MAP4K3: variants seen among roughly 807,000 people sequenced by gnomAD.
MAP4K3 encodes mitogen-activated protein kinase kinase kinase kinase 3.
Under a neutral mutation model 143.5 loss-of-function variants are expected in MAP4K3, and 94 were observed. The ratio of observed to expected loss-of-function variants is 0.65; its 90% CI spans 0.55 to 0.78. MAP4K3 has a LOEUF of 0.78. MAP4K3 is among the 30% of genes least tolerant of loss of function. MAP4K3 has a pLI of 0.00. For missense variants in MAP4K3, 1,077 were observed against 1,068.1 expected (o/e 1.01, Z -0.12); for synonymous variants, 416 against 347.2 (o/e 1.20, Z -2.20).
intron 2 of MAP4K3, among the ~76,000 whole-genome samples, chr2:39,362,867 G>A (rs1049049813): frequency 6.6e-6 from 1 of 152,136 alleles, no homozygotes; most frequent in Non-Finnish European, 1.5e-5. Context: ...CAACGGAATA[G>A]AGAAAAGAAA....
At chr2:39,356,097 T>C (rs1665603711) in intron 3 of MAP4K3, 152 bp downstream of exon 3, 2 of 571,474 alleles carry the variant, frequency 3.5e-6, no homozygotes, top group Admixed American at 3.3e-5. Flanking sequence ...TTAACATAGG[T>C]CCTAAGTAAA....
At chr2:39,320,190 C>A (rs974948779) in intron 12 of MAP4K3, among the ~76,000 whole-genome samples, 33 of 152,080 alleles carry the variant, frequency 2.2e-4, no homozygotes, top group African/African-American at 8.0e-4. Context: ...AATAAATAGT[C>A]AAAAATTAAG....
At chr2:39,399,102 A>G (rs1381210838) in intron 1 of MAP4K3, among the ~76,000 whole-genome samples, 1 of 151,998 alleles carries the variant, frequency 6.6e-6, no homozygotes, top group African/African-American at 2.4e-5. Context: ...ATGCAATCAC[A>G]CTTATCAACC....
chr2:39,297,066 T>C (rs913298400), intron 16 of MAP4K3, among the ~76,000 whole-genome samples: 2 of 152,190 alleles, frequency 1.3e-5, no homozygotes, highest in African/African-American at 4.8e-5. Flanking sequence ...AGAATTTACC[T>C]TCAACATTTT....
chr2:39,299,396 A>G lies in MAP4K3; in HGVS notation c.1178+347T>C, dbSNP rs141496632. 1.8e-3 allele frequency among the ~76,000 whole-genome samples: 267 copies of G among 152,310 alleles called. 1 individual carries two copies. Among genetic ancestry groups the G allele is most frequent in the African/African-American group, 6.3e-3 (261 of 41,568 alleles). On this transcript the variant is annotated intron_variant, in intron 16 of 33. Coordinates refer to ENST00000263881, the MANE Select transcript of MAP4K3 (RefSeq NM_003618.4). ...TAATTCCAGCTGTTTTTAGTGACCA[A>G]CCCATCTTAGAGATGTACCAAAGCA...
At chr2:39,342,754 A>C (rs1277011642) in intron 4 of MAP4K3, among the ~76,000 whole-genome samples, 1 of 152,216 alleles carries the variant, frequency 6.6e-6, no homozygotes, top group Non-Finnish European at 1.5e-5. Flanking sequence ...TCTATGAAAA[A>C]ATGAGAAAAA....
At chr2:39,277,008 A>G (rs1474773609) in intron 24 of MAP4K3, among the ~76,000 whole-genome samples, 1 of 152,238 alleles carries the variant, frequency 6.6e-6, no homozygotes, top group Non-Finnish European at 1.5e-5. Context: ...TATGTGAATT[A>G]TATCTCGATA....
At chr2:39,432,779 T>C (rs1377756668) in intron 1 of MAP4K3, among the ~76,000 whole-genome samples, 5 of 152,142 alleles carry the variant, frequency 3.3e-5, no homozygotes, top group Admixed American at 3.3e-4. Context: ...TACTGCCCAA[T>C]CCTCACCTTT....
In MAP4K3 at chr2:39,282,138, T is replaced by C. The variant is rs548388617; in HGVS notation, c.1629+375A>G. Among the ~76,000 whole-genome samples the C allele has an allele frequency of 1.3e-3, 194 of 150,020 alleles. 3 individuals are homozygous for C. Among genetic ancestry groups the C allele is most frequent in the African/African-American group, 4.7e-3 (189 of 40,640 alleles). ...TGAACCTGGGAGGTGGAGCTTGCAA[T>C]GAGCTGAGATTATGCCACTGCACTC... On this transcript the variant is annotated intron_variant, in intron 22 of 33. Transcript: ENST00000263881.
intron 16 of MAP4K3, 91 bp from the exon 17 acceptor site, chr2:39,293,359 A>G: frequency 3.6e-6 from 3 of 838,220 alleles, no homozygotes; most frequent in Non-Finnish European, 5.6e-6. Flanking sequence ...TTAACCATAC[A>G]TTTTTTGAAT....
chr2:39,343,463 A>G lies in MAP4K3; in HGVS notation c.246-11T>C, dbSNP rs1343828631. ...CAAAGCTTATCTCGCCTATAAAGAGAAAAGAAGCATGTATCATATTTTCAT... is the reference window on the plus strand; with the variant it reads ...CAAAGCTTATCTCGCCTATAAAGAGGAAAGAAGCATGTATCATATTTTCAT... On this transcript the variant is annotated splice_polypyrimidine_tract_variant and intron_variant, in intron 3 of 33. Coordinates refer to ENST00000263881, the MANE Select transcript of MAP4K3 (RefSeq NM_003618.4). 3.3e-5 allele frequency: 53 copies of G among 1,609,912 alleles called. No homozygotes were observed. The highest frequency in any genetic ancestry group is 4.4e-5 in the Non-Finnish European group (52 of 1,177,086).
chr2:39,422,544 C>A (rs1377283161), intron 1 of MAP4K3, among the ~76,000 whole-genome samples: 1 of 152,096 alleles, frequency 6.6e-6, no homozygotes, highest in Non-Finnish European at 1.5e-5. Flanking sequence ...TATAAGCCAC[C>A]TAGTCTGTGG....
rs750681912 is a variant in MAP4K3 at position 39,272,516 on chromosome 2, C to T, written c.1821G>A (p.Leu607=). 6.2e-7 allele frequency: 1 copy of T among 1,613,340 alleles called. No individual in the cohort carries two copies. The highest frequency in any genetic ancestry group is 1.1e-5 in the South Asian group (1 of 91,044). Residue 607 remains leucine, a synonymous_variant, in exon 25 of 34, where the codon TTG becomes TTA. Transcript: ENST00000263881. Reference sequence around the variant, plus strand: ...ATAGCAAGCAATTGTTCATTACATACAACCATGTACACCTTCGAGGGAATA... The same window carrying T: ...ATAGCAAGCAATTGTTCATTACATATAACCATGTACACCTTCGAGGGAATA... The part of the protein sequence containing the change: ...EQLFPRRCTW[L]YVMNNCLLSI...
intron 13 of MAP4K3, among the ~76,000 whole-genome samples, chr2:39,312,176 T>G (rs193067043): frequency 5.1e-4 from 78 of 152,150 alleles, no homozygotes; most frequent in African/African-American, 1.7e-3. Context: ...CTAGCCAGAG[T>G]AGACACAGAT....
intron 2 of MAP4K3, among the ~76,000 whole-genome samples, chr2:39,361,033 T>C (rs1315275658): frequency 6.6e-6 from 1 of 152,168 alleles, no homozygotes; most frequent in Non-Finnish European, 1.5e-5. Context: ...TCTACATATC[T>C]AGCACAGTGT....
chr2:39,330,542 C>G (rs1683649545), intron 8 of MAP4K3, among the ~76,000 whole-genome samples: 1 of 152,190 alleles, frequency 6.6e-6, no homozygotes, highest in South Asian at 2.1e-4. Flanking sequence ...AGATGAAAGA[C>G]TGCCAGAGCA....
Position 39,292,804 on chromosome 2 carries a change from C to T in MAP4K3, c.1240G>A (p.Asp414Asn). 3.7e-6 allele frequency: 6 copies of T among 1,613,294 alleles called. No individual in the cohort carries two copies. The highest frequency in any genetic ancestry group is 4.2e-6 in the Non-Finnish European group (5 of 1,179,430). ...HQRGHVAHLE[D>N]DEGDDDESKH... is the part of the protein sequence containing the mutation. ...GATTCATCATCATCTCCTTCATCAT[C>T]TTCTAAATGTGCGACGTGTCCTCTA... is the stretch of plus-strand genomic sequence containing the variant. The change falls in exon 18 of 34, where the codon GAT becomes AAT. Residue 414 changes from aspartate (D) to asparagine (N), a missense_variant. Around this residue, in one of 2 missense-constraint regions of MAP4K3, gnomAD observed 864 missense variants for 801.2 expected, o/e 1.08. Transcript: ENST00000263881.
At chr2:39,387,315 A>T (rs1329894409) in intron 1 of MAP4K3, among the ~76,000 whole-genome samples, 1 of 152,204 alleles carries the variant, frequency 6.6e-6, no homozygotes, top group African/African-American at 2.4e-5. Flanking sequence ...CTATAGATCA[A>T]TTTGGAAAGA....
chr2:39,369,193 G>GTTTTTTTGTTTTTTTTTTTTTTT (rs747293878), intron 2 of MAP4K3, among the ~76,000 whole-genome samples: 1 of 37,978 alleles, frequency 2.6e-5, no homozygotes, highest in African/African-American at 5.8e-5. Flanking sequence ...CTTTGGGCTA[G>GTTTTTTTGTTTTTTTTTTTTTTT]TTTTTTTTTT....
Sources: allele counts gnomAD v4.1 joint callset (sites outside exome capture counted in the v4.1 genomes callset), GRCh38; gene constraint gnomAD v4.1.1; regional missense constraint gnomAD v4.1.1; transcripts MANE v1.5; gene names NCBI Gene and HGNC (gene_info 2026-07-23, HGNC 2026-07-21).